Variants in LRRTM4 observed in about 807,000 individuals in gnomAD.
LRRTM4 encodes the protein leucine rich repeat transmembrane neuronal 4.
A neutral mutation model predicts 47.6 loss-of-function variants in LRRTM4; 25 were observed. The observed-to-expected ratio is 0.53, with a 90% CI of 0.38 to 0.73. The LOEUF is 0.73. Among genes scored for constraint, LRRTM4 ranks in the 30% least tolerant of loss-of-function variants. The pLI is 0.00. For synonymous variants in LRRTM4, 311 were observed against 269.5 expected (o/e 1.15, Z -1.51); for missense variants, 638 against 713.4 (o/e 0.89, Z 1.20).
At chr2:77,434,448 A>T (rs1354492339) in intron 3 of LRRTM4, among the ~76,000 whole-genome samples, 1 of 50,220 alleles carries the variant, frequency 2.0e-5, no homozygotes, top group Non-Finnish European at 4.0e-5. Context: ...TTGATCTGTT[A>T]AAAAAAAAAA....
intron 3 of LRRTM4, among the ~76,000 whole-genome samples, chr2:76,805,535 A>G (rs1358559961): frequency 6.6e-6 from 1 of 152,170 alleles, no homozygotes; most frequent in Non-Finnish European, 1.5e-5. Context: ...ATGTAGATCA[A>G]ACCTACTGAA....
chr2:76,808,500 C>G (rs939309868), intron 3 of LRRTM4, among the ~76,000 whole-genome samples: 1 of 150,562 alleles, frequency 6.6e-6, no homozygotes. Context: ...TACCTGAAAT[C>G]CAATCATGCC....
intron 3 of LRRTM4, among the ~76,000 whole-genome samples, chr2:76,798,553 G>A (rs1292141490): frequency 2.0e-5 from 3 of 150,184 alleles, no homozygotes; most frequent in East Asian, 2.0e-4. Context: ...AGAAAAGCAA[G>A]AGCAAACACA....
chr2:77,487,992 G>C (rs937561376), intron 3 of LRRTM4, among the ~76,000 whole-genome samples: 3 of 152,148 alleles, frequency 2.0e-5, no homozygotes, highest in African/African-American at 7.2e-5. Context: ...CTTGCGACAA[G>C]AACTTGAGAC....
At chr2:77,032,850 A>T (rs893173608) in intron 3 of LRRTM4, among the ~76,000 whole-genome samples, 5 of 152,130 alleles carry the variant, frequency 3.3e-5, no homozygotes, top group African/African-American at 1.2e-4. Context: ...CAGTTGTGCC[A>T]TGATTTCATG....
At chr2:76,969,645 A>C (rs1676151795) in intron 3 of LRRTM4, among the ~76,000 whole-genome samples, 1 of 151,958 alleles carries the variant, frequency 6.6e-6, no homozygotes, top group African/African-American at 2.4e-5. Flanking sequence ...ATGCCATAAC[A>C]ACAAAATAAT....
intron 3 of LRRTM4, among the ~76,000 whole-genome samples, chr2:76,927,702 G>A (rs935352336): frequency 3.9e-5 from 6 of 152,050 alleles, no homozygotes; most frequent in African/African-American, 1.2e-4. Flanking sequence ...ATCCTTGATT[G>A]TGTATTATGT....
intron 3 of LRRTM4, among the ~76,000 whole-genome samples, chr2:77,175,147 G>T (rs1673158988): frequency 6.8e-6 from 1 of 147,244 alleles, no homozygotes; most frequent in South Asian, 2.1e-4. Flanking sequence ...TCTGCTCACT[G>T]CAACCTCCAC....
Position 77,381,151 on chromosome 2 carries a change from G to C in LRRTM4, c.1551+137167C>G, listed in dbSNP as rs1257932578. Among the ~76,000 whole-genome samples the C allele has an allele frequency of 3.3e-5, 5 of 151,718 alleles. No individual in the cohort carries two copies. The East Asian group carries it at 9.7e-4, about 29-fold the overall frequency. ...AAACCTATTCTTTTCTGTAAATTCTGGCTTTTTGGAACTGAAGCACAATAA... is the reference window on the plus strand; with the variant it reads ...AAACCTATTCTTTTCTGTAAATTCTCGCTTTTTGGAACTGAAGCACAATAA... On this transcript the variant is annotated intron_variant, in intron 3 of 3. Transcript: ENST00000409884.
chr2:77,426,953 T>C (rs1477102764), intron 3 of LRRTM4, among the ~76,000 whole-genome samples: 1 of 151,600 alleles, frequency 6.6e-6, no homozygotes, highest in Non-Finnish European at 1.5e-5. Context: ...CCCTTTATTC[T>C]TTAAGCTAAG....
At chr2:76,997,416 A>G (rs1035955219) in intron 3 of LRRTM4, among the ~76,000 whole-genome samples, 19 of 146,604 alleles carry the variant, frequency 1.3e-4, no homozygotes, top group Non-Finnish European at 1.8e-4. Context: ...TTTATTCAGC[A>G]TGACTCAGTC....
At chr2:77,459,691 G>A (rs1053262077) in intron 3 of LRRTM4, among the ~76,000 whole-genome samples, 9 of 147,906 alleles carry the variant, frequency 6.1e-5, no homozygotes, top group Non-Finnish European at 8.9e-5. Context: ...ACAAGAGACC[G>A]AAAAGTAGTT....
chr2:77,189,853 A>G (rs1417482487), intron 3 of LRRTM4, among the ~76,000 whole-genome samples: 1 of 152,126 alleles, frequency 6.6e-6, no homozygotes, highest in Non-Finnish European at 1.5e-5. Flanking sequence ...ATATACATAA[A>G]CAATATCTAT....
At chr2:77,180,708 T>C (rs1310894347) in intron 3 of LRRTM4, among the ~76,000 whole-genome samples, 1 of 152,194 alleles carries the variant, frequency 6.6e-6, no homozygotes. Flanking sequence ...AAAGAAATTC[T>C]GATTGTCTCA....
chr2:77,059,156 G>A (rs1208702232), intron 3 of LRRTM4, among the ~76,000 whole-genome samples: 2 of 152,016 alleles, frequency 1.3e-5, no homozygotes, highest in Admixed American at 1.3e-4. Context: ...TTTATACATG[G>A]TTATTTAGCA....
intron 3 of LRRTM4, among the ~76,000 whole-genome samples, chr2:77,502,301 T>G (rs542815342): frequency 6.6e-6 from 1 of 151,574 alleles, no homozygotes; most frequent in South Asian, 2.1e-4. Flanking sequence ...TTTAAATTTT[T>G]GCTTTTATGT....
intron 3 of LRRTM4, among the ~76,000 whole-genome samples, chr2:77,220,350 G>A (rs1240559981): frequency 6.6e-6 from 1 of 152,186 alleles, no homozygotes; most frequent in African/African-American, 2.4e-5. Flanking sequence ...AACAAAGCTG[G>A]ACGCAGAATG....
intron 3 of LRRTM4, among the ~76,000 whole-genome samples, chr2:76,963,492 C>A (rs77238528): frequency 0.023 from 3,470 of 150,756 alleles, 164 homozygotes; most frequent in African/African-American, 0.08. Flanking sequence ...GCCAAGAAAC[C>A]TTTGAAAAAA....
At chr2:77,310,434 A>T (rs1279687889) in intron 3 of LRRTM4, among the ~76,000 whole-genome samples, 1 of 152,134 alleles carries the variant, frequency 6.6e-6, no homozygotes, top group Non-Finnish European at 1.5e-5. Context: ...TTTTCAGAAA[A>T]GGAAAATGGA....
Sources: allele counts gnomAD v4.1 joint callset (sites outside exome capture counted in the v4.1 genomes callset), GRCh38; gene constraint gnomAD v4.1.1; transcripts MANE v1.5; gene names NCBI Gene and HGNC (gene_info 2026-07-23, HGNC 2026-07-21).